ENOX1: variants seen among roughly 807,000 people sequenced by gnomAD.
ENOX1 encodes candidate growth-related and time keeping constitutive hydroquinone (NADH) oxidase.
A neutral mutation model predicts 82.5 loss-of-function variants in ENOX1; 42 were observed. The ratio of observed to expected loss-of-function variants is 0.51; its 90% confidence interval spans 0.40 to 0.66. The LOEUF is 0.66. ENOX1 is among the 30% of genes least tolerant of loss of function. The probability of loss-of-function intolerance (pLI) is 0.00; values close to 1 mark genes in which losing one functional copy is unlikely to be tolerated. For missense variants in ENOX1, 608 were observed against 811.6 expected, an observed-to-expected ratio of 0.75 and a Z score of 3.05; for synonymous variants, 271 against 282.2, an observed-to-expected ratio of 0.96 and a Z score of 0.40.
chr13:43,337,213 T>C (rs1013106300), intron 9 of ENOX1, among the ~76,000 whole-genome samples: 1 of 152,236 alleles, frequency 6.6e-6, no homozygotes, highest in African/African-American at 2.4e-5. Flanking sequence ...CCACCTGTGA[T>C]TGGTCAACAA....
intron 2 of ENOX1, among the ~76,000 whole-genome samples, chr13:43,583,640 T>C (rs1180103524): frequency 2.0e-5 from 3 of 152,186 alleles, no homozygotes; most frequent in African/African-American, 7.2e-5. Flanking sequence ...CTTATTTGAT[T>C]CTCCCTACAG....
chr13:43,707,063 A>G (rs1156642037), intron 1 of ENOX1, among the ~76,000 whole-genome samples: 1 of 152,174 alleles, frequency 6.6e-6, no homozygotes, highest in African/African-American at 2.4e-5. Context: ...TTCCTTTAGT[A>G]AGGCCCAATG....
intron 2 of ENOX1, among the ~76,000 whole-genome samples, chr13:43,656,385 A>T (rs2084433514): frequency 6.6e-6 from 1 of 152,166 alleles, no homozygotes; most frequent in Admixed American, 6.5e-5. Flanking sequence ...GACTTTAAAG[A>T]TCACCTGCAT....
At chr13:43,295,208 C>T (rs61699050) in intron 12 of ENOX1, among the ~76,000 whole-genome samples, 2 of 152,268 alleles carry the variant, frequency 1.3e-5, no homozygotes, top group East Asian at 3.9e-4. Context: ...CCTAAAAGTA[C>T]AAATGAAAGT....
At chr13:43,650,353 C>T (rs2084100677) in intron 2 of ENOX1, among the ~76,000 whole-genome samples, 1 of 152,082 alleles carries the variant, frequency 6.6e-6, no homozygotes, top group Admixed American at 6.5e-5. Flanking sequence ...ATAAACAATC[C>T]AGCAGGCCAC....
At chr13:43,221,664 A>G (rs986046626) in intron 16 of ENOX1, among the ~76,000 whole-genome samples, 1 of 152,224 alleles carries the variant, frequency 6.6e-6, no homozygotes, top group Admixed American at 6.5e-5. Context: ...AGCAGGAATA[A>G]TATTTAACTG....
intron 2 of ENOX1, among the ~76,000 whole-genome samples, chr13:43,605,385 A>T (rs1191512609): frequency 6.6e-6 from 1 of 152,120 alleles, no homozygotes; most frequent in Admixed American, 6.6e-5. Context: ...AAAGTAAAAG[A>T]ATCACATTAT....
rs1300406405 is a variant in ENOX1 at position 43,213,253 on chromosome 13, A to G, written c.*737T>C. The stretch of plus-strand genomic sequence containing the variant: ...AATGTTACATACCAAGTACAAGACA[A>G]TAACACTAGTTTTTCCTTTATTTAC... On this transcript the variant is annotated 3_prime_UTR_variant, in exon 17 of 17. Transcript: ENST00000690772. Among the ~76,000 whole-genome samples the G allele has an allele frequency of 6.6e-6, 1 of 151,034 alleles. No individual in the cohort carries two copies. Among genetic ancestry groups the G allele is most frequent in the African/African-American group, 2.4e-5 (1 of 41,402 alleles).
intron 12 of ENOX1, among the ~76,000 whole-genome samples, chr13:43,283,338 C>T (rs2045509370): frequency 6.6e-6 from 1 of 151,830 alleles, no homozygotes; most frequent in Non-Finnish European, 1.5e-5. Context: ...CCATTTTATT[C>T]ATCTTTTCAA....
At chr13:43,582,155 A>AAT (rs1319497302) in intron 2 of ENOX1, among the ~76,000 whole-genome samples, 1 of 152,156 alleles carries the variant, frequency 6.6e-6, no homozygotes, top group Non-Finnish European at 1.5e-5. Flanking sequence ...AACTAGAAAA[A>AAT]ATATGTCTTA....
In ENOX1 at chr13:43,678,077, T is replaced by C. The variant is rs75310625; in HGVS notation, c.-284-10533A>G. Among the ~76,000 whole-genome samples, 1,360 of 152,238 alleles carry C rather than the reference T, an allele frequency of 8.9e-3. 21 individuals are homozygous for C. The highest frequency in any genetic ancestry group is 0.031 in the African/African-American group (1,288 of 41,536). The stretch of plus-strand genomic sequence containing the variant: ...CTGGGAGGTGCTATACAAATGTGCA[T>C]ACAATATATCCAGGAGGCTGAATGG... On this transcript the variant is annotated intron_variant, in intron 1 of 16. Transcript: ENST00000690772.
chr13:43,723,390 T>C (rs1033498492), intron 1 of ENOX1, among the ~76,000 whole-genome samples: 2 of 152,124 alleles, frequency 1.3e-5, no homozygotes, highest in African/African-American at 4.8e-5. Context: ...AACATTTCCA[T>C]TGTCAAAAAA....
chr13:43,526,785 T>G (rs2078006708), intron 2 of ENOX1, among the ~76,000 whole-genome samples: 1 of 152,074 alleles, frequency 6.6e-6, no homozygotes. Context: ...GATGCAGTGG[T>G]TTGAATGTGC....
intron 2 of ENOX1, among the ~76,000 whole-genome samples, chr13:43,619,096 G>A (rs1305484701): frequency 1.3e-5 from 2 of 151,610 alleles, no homozygotes; most frequent in Non-Finnish European, 2.9e-5. Flanking sequence ...CTTGTATCTG[G>A]AAACTTCGCT....
intron 12 of ENOX1, among the ~76,000 whole-genome samples, chr13:43,272,546 A>G (rs1418593179): frequency 6.6e-6 from 1 of 152,188 alleles, no homozygotes; most frequent in South Asian, 2.1e-4. Flanking sequence ...TTCATCTTTG[A>G]AAAATTTTGT....
intron 9 of ENOX1, among the ~76,000 whole-genome samples, chr13:43,339,960 T>C (rs1428959635): frequency 6.6e-6 from 1 of 152,222 alleles, no homozygotes; most frequent in Non-Finnish European, 1.5e-5. Context: ...TTAGCAGTTA[T>C]TGTTTTACAA....
chr13:43,571,407 G>A (rs1443033320), intron 2 of ENOX1, among the ~76,000 whole-genome samples: 2 of 152,070 alleles, frequency 1.3e-5, no homozygotes, highest in Non-Finnish European at 2.9e-5. Flanking sequence ...GGCCGGGCGC[G>A]GTGGCTTACG....
intron 14 of ENOX1, among the ~76,000 whole-genome samples, chr13:43,259,709 CGT>C (rs1189037669): frequency 6.6e-6 from 1 of 152,130 alleles, no homozygotes; most frequent in Non-Finnish European, 1.5e-5. Context: ...CTCCTGACCT[CGT>C]GATCCACCCA....
chr13:43,526,627 C>G (rs1289160591), intron 2 of ENOX1, among the ~76,000 whole-genome samples: 3 of 152,134 alleles, frequency 2.0e-5, no homozygotes, highest in Non-Finnish European at 4.4e-5. Flanking sequence ...TATAATTTCT[C>G]TCTACCTTCC....
Sources: allele counts gnomAD v4.1 joint callset (sites outside exome capture counted in the v4.1 genomes callset), GRCh38; gene constraint gnomAD v4.1.1; transcripts MANE v1.5; gene names NCBI Gene and HGNC (gene_info 2026-07-23, HGNC 2026-07-21).